Variants in SLCO5A1 observed in about 807,000 individuals in gnomAD.
The protein encoded by SLCO5A1 is organic anion transporter polypeptide-related protein 4.
Under a neutral mutation model 65.1 loss-of-function variants are expected in SLCO5A1, and 39 were observed. That is an observed-to-expected ratio of 0.60 (90% confidence interval 0.46 to 0.78). The LOEUF (loss-of-function observed/expected upper bound fraction) is 0.78, where lower values mean the gene tolerates loss of function less well. SLCO5A1 is among the 30% of genes least tolerant of loss of function. The pLI is 0.00. For missense variants in SLCO5A1, 1,029 were observed against 1,069.4 expected, an observed-to-expected ratio of 0.96 and a Z score of 0.53; for synonymous variants, 438 against 415.7, an observed-to-expected ratio of 1.05 and a Z score of -0.65.
chr8:69,682,365 T>A (rs372164830), intron 6 of SLCO5A1, 22 bp from the exon 7 acceptor site: 6 of 1,532,704 alleles, frequency 3.9e-6, no homozygotes, highest in Non-Finnish European at 2.6e-6. Flanking sequence ...GAGAAGCAGA[T>A]CATGAGCAAC....
Position 69,745,186 on chromosome 8 carries a change from ACTAATTTCTGTGTG to A in SLCO5A1, c.1259-6996_1259-6983del, listed in dbSNP as rs749014785. On this transcript the variant is annotated intron_variant, in intron 4 of 9. Coordinates refer to ENST00000260126, the MANE Select transcript of SLCO5A1 (RefSeq NM_030958.3). ...AAGATTCAAAATCATAATTAGGAATACTAATTTCTGTGTGCTAATTAGTTTTTCACCATCTTTTT... is the reference window on the plus strand; with the variant it reads ...AAGATTCAAAATCATAATTAGGAATACTAATTAGTTTTTCACCATCTTTTT... 1.3e-3 allele frequency among the ~76,000 whole-genome samples: 205 copies of A among 152,340 alleles called. 2 individuals are homozygous for A. Among genetic ancestry groups the A allele is most frequent in the Non-Finnish European group, 2.0e-3 (133 of 68,018 alleles).
chr8:69,735,355 A>C (rs1816508764), intron 5 of SLCO5A1, among the ~76,000 whole-genome samples: 1 of 152,254 alleles, frequency 6.6e-6, no homozygotes. Flanking sequence ...ATTATATTAT[A>C]AAATGCGTGC....
chr8:69,766,879 C>T (rs1305214647), intron 2 of SLCO5A1, among the ~76,000 whole-genome samples: 1 of 152,206 alleles, frequency 6.6e-6, no homozygotes, highest in Non-Finnish European at 1.5e-5. Flanking sequence ...GCCCTCTGCA[C>T]TCACAAGCTC....
intron 2 of SLCO5A1, among the ~76,000 whole-genome samples, chr8:69,789,914 C>G (rs138473516): frequency 6.6e-6 from 1 of 151,866 alleles, no homozygotes; most frequent in African/African-American, 2.4e-5. Context: ...GTAATTGGGC[C>G]GGGCACGGTG....
At chr8:69,814,526 G>C (rs1820328453) in intron 2 of SLCO5A1, among the ~76,000 whole-genome samples, 1 of 152,148 alleles carries the variant, frequency 6.6e-6, no homozygotes, top group South Asian at 2.1e-4. Flanking sequence ...TGAGGATGTG[G>C]AGAAAGGGGA....
At chr8:69,744,730 T>G (rs1287075732) in intron 4 of SLCO5A1, among the ~76,000 whole-genome samples, 2 of 152,224 alleles carry the variant, frequency 1.3e-5, no homozygotes, top group Non-Finnish European at 2.9e-5. Context: ...TGCAATAATT[T>G]GTACTAAAGC....
intron 6 of SLCO5A1, among the ~76,000 whole-genome samples, chr8:69,686,382 G>C (rs1814003092): frequency 6.6e-6 from 1 of 151,958 alleles, no homozygotes; most frequent in African/African-American, 2.4e-5. Context: ...TAAATTTTTG[G>C]CTTCATATGA....
chr8:69,703,507 G>A (rs1041436143), intron 6 of SLCO5A1, among the ~76,000 whole-genome samples: 7 of 152,110 alleles, frequency 4.6e-5, no homozygotes, highest in African/African-American at 1.4e-4. Context: ...ATAGTGAGAC[G>A]ATGTCTATAA....
intron 2 of SLCO5A1, among the ~76,000 whole-genome samples, chr8:69,785,612 G>A (rs1819016939): frequency 6.6e-6 from 1 of 152,168 alleles, no homozygotes; most frequent in East Asian, 1.9e-4. Flanking sequence ...GAAGCTGTCT[G>A]ATCTTTGAAA....
intron 5 of SLCO5A1, among the ~76,000 whole-genome samples, chr8:69,716,797 T>A (rs77806642): frequency 2.2e-5 from 3 of 137,266 alleles, no homozygotes; most frequent in South Asian, 2.4e-4. Flanking sequence ...TTTTTTTTTT[T>A]AAGACAGGGC....
chr8:69,674,363 A>G (rs1813462352), intron 9 of SLCO5A1, among the ~76,000 whole-genome samples: 1 of 152,258 alleles, frequency 6.6e-6, no homozygotes, highest in Non-Finnish European at 1.5e-5. Context: ...GAAGACAGAA[A>G]GGAAGGCAGA....
In SLCO5A1 at chr8:69,671,255, A is replaced by C. The variant is rs1315180497; in HGVS notation, c.*1614T>G. 1 of 152,272 alleles carries C rather than the reference A, an allele frequency of 6.6e-6. No homozygotes were observed. Among genetic ancestry groups the C allele is most frequent in the Non-Finnish European group, 1.5e-5 (1 of 68,074 alleles). 9.4% of individuals were successfully genotyped at this position (152,272 alleles called of 1,614,324 possible). A position where few individuals can be genotyped will look rare whatever the true frequency, so the allele number is the denominator to read the frequency against. The stretch of plus-strand genomic sequence containing the variant: ...GCCTTATACCCAGGAGTATTTGCAC[A>C]ATTCCACCTGTGCAGTCAAGCAAGG... On this transcript the variant is annotated 3_prime_UTR_variant, in exon 10 of 10. Coordinates refer to ENST00000260126, the MANE Select transcript of SLCO5A1 (RefSeq NM_030958.3).
chr8:69,784,902 GAAA>G (rs1818971073), intron 2 of SLCO5A1, among the ~76,000 whole-genome samples: 5 of 44,362 alleles, frequency 1.1e-4, no homozygotes, highest in Admixed American at 2.6e-4. Context: ...AAGGAAGAAA[GAAA>G]GAAAGAAAGA....
intron 5 of SLCO5A1, among the ~76,000 whole-genome samples, chr8:69,714,471 T>C (rs1411245577): frequency 6.6e-6 from 1 of 152,126 alleles, no homozygotes; most frequent in African/African-American, 2.4e-5. Context: ...GCAGATAAGC[T>C]GGGGGGATAG....
At chr8:69,712,210 C>A (rs2130817528) in intron 5 of SLCO5A1, among the ~76,000 whole-genome samples, 1 of 152,270 alleles carries the variant, frequency 6.6e-6, no homozygotes, top group South Asian at 2.1e-4. Flanking sequence ...TGCTTTCCAG[C>A]TGGAAATCTT....
At chr8:69,815,646 CA>C (rs1343593672) in intron 2 of SLCO5A1, among the ~76,000 whole-genome samples, 5 of 77,978 alleles carry the variant, frequency 6.4e-5, no homozygotes, top group South Asian at 4.9e-4. Context: ...GGTAAAATAT[CA>C]ACACACACAC....
intron 5 of SLCO5A1, chr8:69,713,491 GCACACCCA>G (rs1563678296): frequency 6.6e-6 from 1 of 151,916 alleles, no homozygotes; most frequent in Non-Finnish European, 1.5e-5. Context: ...GTGTGCAAGT[GCACACCCA>G]CACACCCACA....
At position 69,797,856 on chromosome 8, in the gene SLCO5A1, C is replaced by T. The variant is rs564944135; in HGVS notation, c.907+33911G>A. ...CCCCGGTCCTGTGGTCCTGTGATCTCGCCCTGCCTCCATTTGCCTTGTGAT... is the reference window on the plus strand; with the variant it reads ...CCCCGGTCCTGTGGTCCTGTGATCTTGCCCTGCCTCCATTTGCCTTGTGAT... On this transcript the variant is annotated intron_variant, in intron 2 of 9. Coordinates refer to ENST00000260126, the MANE Select transcript of SLCO5A1 (RefSeq NM_030958.3). Among the ~76,000 whole-genome samples the T allele has an allele frequency of 1.4e-4, 21 of 152,312 alleles. No homozygotes were observed. In the South Asian group the frequency reaches 1.5e-3, roughly 11 times the overall value.
intron 2 of SLCO5A1, among the ~76,000 whole-genome samples, chr8:69,779,187 C>T (rs997288737): frequency 3.9e-5 from 6 of 152,046 alleles, no homozygotes; most frequent in African/African-American, 1.4e-4. Flanking sequence ...TTACTGTGTT[C>T]CAGGTATCAG....
Sources: gnomAD v4.1 joint callset for allele counts (sites outside exome capture counted in the v4.1 genomes callset) on GRCh38, gnomAD v4.1.1 for gene constraint, MANE v1.5 for transcripts, NCBI Gene and HGNC (gene_info 2026-07-23, HGNC 2026-07-21) for gene names.